Variants in MICOS10 observed in about 807,000 individuals in gnomAD.
The protein encoded by MICOS10 is MICOS complex subunit MIC10.
MICOS10 carries 5 observed loss-of-function variants against 13.4 expected under a neutral mutation model. That is an observed-to-expected ratio of 0.37 (90% CI 0.20 to 0.78). The LOEUF is 0.78. MICOS10 is among the 30% of genes least tolerant of loss of function. The probability of loss-of-function intolerance (pLI) is 0.47; values close to 1 mark genes in which losing one functional copy is unlikely to be tolerated. For missense variants in MICOS10, 101 were observed against 94.6 expected, an observed-to-expected ratio of 1.07 and a Z score of -0.28; for synonymous variants, 35 against 33.6, an observed-to-expected ratio of 1.04 and a Z score of -0.15.
At chr1:19,601,273 A>G (rs1031332576) in intron 1 of MICOS10, 23 of 315,510 alleles carry the variant, frequency 7.3e-5, no homozygotes, top group Non-Finnish European at 8.9e-5. Context: ...TGCCCCCATT[A>G]CTATCTTAAG....
chr1:19,605,332 G>A (rs1417090638), intron 1 of MICOS10, among the ~76,000 whole-genome samples: 1 of 152,088 alleles, frequency 6.6e-6, no homozygotes, highest in Admixed American at 6.6e-5. Flanking sequence ...TCACCAAATT[G>A]TGCAATTATC....
At chr1:19,611,673 T>G (rs902088310) in intron 1 of MICOS10, among the ~76,000 whole-genome samples, 1 of 151,798 alleles carries the variant, frequency 6.6e-6, no homozygotes, top group Admixed American at 6.6e-5. Flanking sequence ...TAACTTCTAC[T>G]TTAGAAGATG....
chr1:19,598,294 G>T (rs539540499), intron 1 of MICOS10: 1 of 152,166 alleles, frequency 6.6e-6, no homozygotes, highest in Non-Finnish European at 1.5e-5. Flanking sequence ...TCATGGAGTC[G>T]TTGGGAGGAT....
chr1:19,624,248 A>C (rs977759326), intron 3 of MICOS10, among the ~76,000 whole-genome samples: 9 of 151,816 alleles, frequency 5.9e-5, no homozygotes, highest in African/African-American at 2.2e-4. Flanking sequence ...CTCACATTCT[A>C]CTGAAGTCCT....
rs2094929025 is a variant in MICOS10, at chr1:19,628,546, G to A, written c.*2145G>A. 1 of 151,806 alleles carries A rather than the reference G, an allele frequency of 6.6e-6. No homozygotes were observed. Among genetic ancestry groups the A allele is most frequent in the Non-Finnish European group, 1.5e-5 (1 of 67,996 alleles). The allele number at this position is 151,806 out of a possible 1,614,324, so 9.4% of individuals were successfully genotyped here. On this transcript the variant is annotated 3_prime_UTR_variant, in exon 4 of 4. Transcript: ENST00000322753. ...AAAATATAAAAATCAGCTGGGCATG[G>A]TGGCGCACACCTGTAGTCCCAGCTA...
At chr1:19,622,481 C>T (rs1290964547) in intron 2 of MICOS10, among the ~76,000 whole-genome samples, 1 of 152,156 alleles carries the variant, frequency 6.6e-6, no homozygotes, top group Non-Finnish European at 1.5e-5. Context: ...GTGATTTTTT[C>T]TAGAGGAATT....
chr1:19,607,021 G>T (rs2100263448), intron 1 of MICOS10, among the ~76,000 whole-genome samples: 1 of 152,376 alleles, frequency 6.6e-6, no homozygotes, highest in East Asian at 1.9e-4. Context: ...AAAATTGCCT[G>T]TTGGTAGCCT....
At chr1:19,612,754 C>T (rs1443750684) in intron 1 of MICOS10, among the ~76,000 whole-genome samples, 1 of 152,154 alleles carries the variant, frequency 6.6e-6, no homozygotes, top group African/African-American at 2.4e-5. Context: ...CCTGGCCTTA[C>T]TGTCCTTGCC....
intron 1 of MICOS10, chr1:19,608,190 A>G: frequency 7.2e-7 from 1 of 1,386,072 alleles, no homozygotes; most frequent in South Asian, 1.2e-5. Flanking sequence ...GAAGGGGAGA[A>G]TGTATTTGGT....
At chr1:19,608,711 A>C in intron 1 of MICOS10, 1 of 571,422 alleles carries the variant, frequency 1.8e-6, no homozygotes, top group African/African-American at 1.9e-5. Context: ...AGTTTCAAAG[A>C]AAACTGATAT....
At chr1:19,619,341 G>T (rs1300883679) in intron 1 of MICOS10, among the ~76,000 whole-genome samples, 1 of 152,218 alleles carries the variant, frequency 6.6e-6, no homozygotes, top group African/African-American at 2.4e-5. Context: ...ATTATTTGCA[G>T]TGAGGTAAAG....
At chr1:19,606,991 A>G (rs2094837540) in intron 1 of MICOS10, among the ~76,000 whole-genome samples, 2 of 152,274 alleles carry the variant, frequency 1.3e-5, no homozygotes, top group South Asian at 4.1e-4. Context: ...GGGTTACCAC[A>G]AAGCATTGGT....
At chr1:19,608,085 C>T (rs111258045) in intron 1 of MICOS10, 31 of 859,614 alleles carry the variant, frequency 3.6e-5, no homozygotes, top group South Asian at 2.5e-4. Flanking sequence ...AGAGCTTTCC[C>T]GTGTGGAGTC....
intron 1 of MICOS10, among the ~76,000 whole-genome samples, chr1:19,609,577 C>A (rs2094850887): frequency 6.6e-6 from 1 of 152,210 alleles, no homozygotes; most frequent in Admixed American, 6.5e-5. Flanking sequence ...AAACTGGAAA[C>A]AACTGAGATA....
chr1:19,627,826 A>G lies in MICOS10; in HGVS notation c.*1425A>G, dbSNP rs980304206. The stretch of plus-strand genomic sequence containing the variant: ...CATTGATTAGACCTTAGTTCTTGCA[A>G]GTGCTATAGTGAGTACATTCAGGGT... On this transcript the variant is annotated 3_prime_UTR_variant, in exon 4 of 4. Coordinates refer to ENST00000322753, the MANE Select transcript of MICOS10 (RefSeq NM_001032363.4). 3 of 152,326 alleles carry G rather than the reference A, an allele frequency of 2.0e-5. No individual in the cohort carries two copies. Among genetic ancestry groups the G allele is most frequent in the Admixed American group, 2.0e-4 (3 of 15,300 alleles). 9.4% of individuals were successfully genotyped at this position (152,326 alleles called of 1,614,324 possible).
chr1:19,599,957 A>G (rs2094807520), intron 1 of MICOS10, among the ~76,000 whole-genome samples: 1 of 152,112 alleles, frequency 6.6e-6, no homozygotes, highest in South Asian at 2.1e-4. Flanking sequence ...GTGGGTAATC[A>G]TGGGATGGTT....
At chr1:19,617,786 C>A (rs976810827) in intron 1 of MICOS10, among the ~76,000 whole-genome samples, 9 of 152,106 alleles carry the variant, frequency 5.9e-5, no homozygotes, top group Admixed American at 3.3e-4. Context: ...GATATAAATT[C>A]ATGTTCAAAG....
intron 3 of MICOS10, among the ~76,000 whole-genome samples, chr1:19,625,130 T>C (rs896231102): frequency 5.9e-5 from 9 of 152,206 alleles, no homozygotes; most frequent in South Asian, 2.1e-4. Flanking sequence ...GGGTAATAAT[T>C]TCTACCTATA....
intron 1 of MICOS10, among the ~76,000 whole-genome samples, chr1:19,607,466 G>A (rs2094839587): frequency 6.6e-6 from 1 of 152,184 alleles, no homozygotes; most frequent in Non-Finnish European, 1.5e-5. Flanking sequence ...ACTTATAAAA[G>A]TCATTTGGTG....
Sources: gnomAD v4.1 joint callset for allele counts (sites outside exome capture counted in the v4.1 genomes callset) on GRCh38, gnomAD v4.1.1 for gene constraint, MANE v1.5 for transcripts, NCBI Gene and HGNC (gene_info 2026-07-23, HGNC 2026-07-21) for gene names.